CYP7B1: variants seen among roughly 807,000 people sequenced by gnomAD.
CYP7B1 encodes the protein cytochrome P450 7B1.
In CYP7B1, 29 loss-of-function variants were observed where a neutral mutation model predicts 42.7. The ratio of observed to expected loss-of-function variants is 0.68; its 90% CI spans 0.51 to 0.93. CYP7B1 has a LOEUF of 0.93. CYP7B1 is among the 40% of genes least tolerant of loss of function. CYP7B1 has a pLI of 0.00. For missense variants in CYP7B1, 655 were observed against 600.5 expected (o/e 1.09, Z -0.95); for synonymous variants, 235 against 218.2 (o/e 1.08, Z -0.68).
chr8:64,750,838 C>T (rs1223147523), intron 1 of CYP7B1, among the ~76,000 whole-genome samples: 1 of 152,142 alleles, frequency 6.6e-6, no homozygotes, highest in Admixed American at 6.5e-5. Flanking sequence ...AAAGGTGATT[C>T]CTATACTAAG....
Position 64,594,146 on chromosome 8 carries a change from T to C in CYP7B1, c.*2496A>G, listed in dbSNP as rs1221384871. On this transcript the variant is annotated 3_prime_UTR_variant, in exon 6 of 6. Transcript: ENST00000310193. ...TGGTGGGGCTTGGGGACAAGGCATT[T>C]AGCAGCCCTGGGCTGAGATGGTTAG... Among the ~76,000 whole-genome samples, 1 of 152,090 alleles carries C rather than the reference T, an allele frequency of 6.6e-6. No homozygotes were observed. The highest frequency in any genetic ancestry group is 1.5e-5 in the Non-Finnish European group (1 of 67,996).
chr8:64,605,323 G>A (rs993993763), intron 4 of CYP7B1, among the ~76,000 whole-genome samples: 2 of 152,166 alleles, frequency 1.3e-5, no homozygotes, highest in Non-Finnish European at 2.9e-5. Context: ...TGCTTTCTGA[G>A]ACAGCTTAAC....
chr8:64,596,964 AT>A, intron 5 of CYP7B1, 35 bp from the exon 6 acceptor site: 2 of 1,560,792 alleles, frequency 1.3e-6, no homozygotes, highest in Non-Finnish European at 1.8e-6. Context: ...TTAACATTTT[AT>A]ATGAAATAGT....
At chr8:64,790,207 G>A (rs984780710) in intron 1 of CYP7B1, among the ~76,000 whole-genome samples, 1 of 152,134 alleles carries the variant, frequency 6.6e-6, no homozygotes, top group African/African-American at 2.4e-5. Context: ...CCCAAATCCT[G>A]TCATTTCTAA....
At chr8:64,707,396 C>A (rs1807015936) in intron 1 of CYP7B1, among the ~76,000 whole-genome samples, 1 of 152,176 alleles carries the variant, frequency 6.6e-6, no homozygotes, top group African/African-American at 2.4e-5. Flanking sequence ...ATGGGCCAAG[C>A]TTATCTAGGG....
intron 1 of CYP7B1, among the ~76,000 whole-genome samples, chr8:64,659,943 T>A (rs760054559): frequency 6.6e-6 from 1 of 151,718 alleles, no homozygotes; most frequent in Non-Finnish European, 1.5e-5. Context: ...CAAGGGAGAG[T>A]CAATGGGAAG....
intron 1 of CYP7B1, among the ~76,000 whole-genome samples, chr8:64,737,418 C>A (rs1033417582): frequency 2.0e-5 from 3 of 152,166 alleles, no homozygotes; most frequent in Admixed American, 6.5e-5. Context: ...TCTCAAATAG[C>A]AAAACTAAAA....
chr8:64,726,014 A>G (rs1343182549), intron 1 of CYP7B1, among the ~76,000 whole-genome samples: 2 of 152,218 alleles, frequency 1.3e-5, no homozygotes, highest in Non-Finnish European at 2.9e-5. Flanking sequence ...TTTCATGGAT[A>G]TCTTGTTCTC....
intron 1 of CYP7B1, among the ~76,000 whole-genome samples, chr8:64,698,303 T>C (rs1418742320): frequency 6.6e-6 from 1 of 152,120 alleles, no homozygotes; most frequent in Admixed American, 6.6e-5. Context: ...ATTTAGATAG[T>C]TGTTGGCAGA....
At chr8:64,679,202 A>G (rs1806498502) in intron 1 of CYP7B1, among the ~76,000 whole-genome samples, 1 of 152,150 alleles carries the variant, frequency 6.6e-6, no homozygotes, top group South Asian at 2.1e-4. Flanking sequence ...TCATTCATTC[A>G]TTCAATAGCT....
intron 1 of CYP7B1, among the ~76,000 whole-genome samples, chr8:64,633,211 G>C (rs1563370656): frequency 6.6e-6 from 1 of 152,154 alleles, no homozygotes; most frequent in Non-Finnish European, 1.5e-5. Context: ...CAACCTTGGT[G>C]GTTTATCATT....
At chr8:64,604,635 C>T in intron 5 of CYP7B1, 47 bp downstream of exon 5, 1 of 1,607,744 alleles carries the variant, frequency 6.2e-7, no homozygotes, top group East Asian at 2.2e-5. Context: ...GAGGAATGTG[C>T]CCACAGGATC....
At chr8:64,629,041 C>T (rs1805649346) in intron 1 of CYP7B1, among the ~76,000 whole-genome samples, 1 of 152,070 alleles carries the variant, frequency 6.6e-6, no homozygotes, top group Admixed American at 6.6e-5. Context: ...GCCTGGCCAA[C>T]ATAGTGAAAC....
intron 1 of CYP7B1, among the ~76,000 whole-genome samples, chr8:64,798,039 CAGAG>C (rs1021589990): frequency 1.3e-5 from 2 of 152,080 alleles, no homozygotes; most frequent in African/African-American, 4.8e-5. Flanking sequence ...GAGAGGCACT[CAGAG>C]TTATTGTTCA....
chr8:64,744,542 G>A (rs766773473), intron 1 of CYP7B1, among the ~76,000 whole-genome samples: 10 of 152,154 alleles, frequency 6.6e-5, no homozygotes, highest in Admixed American at 2.6e-4. Flanking sequence ...TTAAGCAATG[G>A]AAATTGTGGA....
At chr8:64,692,442 T>G (rs1216324104) in intron 1 of CYP7B1, among the ~76,000 whole-genome samples, 1 of 152,212 alleles carries the variant, frequency 6.6e-6, no homozygotes. Context: ...GTGCTTCCCT[T>G]GACATGCCTA....
chr8:64,748,574 CT>C (rs564154139), intron 1 of CYP7B1, among the ~76,000 whole-genome samples: 7 of 152,206 alleles, frequency 4.6e-5, no homozygotes, highest in Non-Finnish European at 1.0e-4. Flanking sequence ...CTCCCACACT[CT>C]CCCTTAGCTT....
chr8:64,692,434 G>A (rs977593558), intron 1 of CYP7B1, among the ~76,000 whole-genome samples: 7 of 152,236 alleles, frequency 4.6e-5, no homozygotes, highest in Admixed American at 6.5e-5. Context: ...GTCTGAGAGT[G>A]CTTCCCTTGA....
At chr8:64,664,292 C>T (rs181618507) in intron 1 of CYP7B1, among the ~76,000 whole-genome samples, 1 of 152,140 alleles carries the variant, frequency 6.6e-6, no homozygotes, top group African/African-American at 2.4e-5. Context: ...TCAGGCCACA[C>T]CATATATATT....
Sources: gnomAD v4.1 joint callset for allele counts (sites outside exome capture counted in the v4.1 genomes callset) on GRCh38, gnomAD v4.1.1 for gene constraint, MANE v1.5 for transcripts, NCBI Gene and HGNC (gene_info 2026-07-23, HGNC 2026-07-21) for gene names.